PSMA1: variants seen among roughly 807,000 people sequenced by gnomAD.
The protein encoded by PSMA1 is proteasome subunit alpha type-1.
A neutral mutation model predicts 38.4 loss-of-function variants in PSMA1; 3 were observed. The ratio of observed to expected loss-of-function variants is 0.08; its 90% confidence interval spans 0.04 to 0.20. PSMA1 has a LOEUF of 0.20. PSMA1 is among the 10% of genes least tolerant of loss of function. The probability of loss-of-function intolerance (pLI) is 1.00; values close to 1 mark genes in which losing one functional copy is unlikely to be tolerated. For synonymous variants in PSMA1, 101 were observed against 107.1 expected (o/e 0.94, Z 0.35); for missense variants, 227 against 325.3 (o/e 0.70, Z 2.32).
intron 2 of PSMA1, among the ~76,000 whole-genome samples, chr11:14,575,604 G>A (rs1428323342): frequency 1.3e-5 from 2 of 152,054 alleles, no homozygotes; most frequent in African/African-American, 2.4e-5. Context: ...CTTTTTTATG[G>A]CTGCATAGTA....
At chr11:14,590,693 C>T (rs925839980) in intron 2 of PSMA1, among the ~76,000 whole-genome samples, 13 of 152,174 alleles carry the variant, frequency 8.5e-5, no homozygotes, top group Non-Finnish European at 1.3e-4. Flanking sequence ...CAAGAGAGAT[C>T]GTAGCGGGGT....
intron 8 of PSMA1, 39 bp from the exon 9 acceptor site, chr11:14,507,805 T>C (rs1379854599): frequency 7.6e-7 from 1 of 1,323,262 alleles, no homozygotes; most frequent in East Asian, 2.3e-5. Context: ...ATAAGAGAAT[T>C]TGGATGAAAA....
intron 2 of PSMA1, among the ~76,000 whole-genome samples, chr11:14,543,000 T>C (rs1025258936): frequency 6.6e-6 from 1 of 151,976 alleles, no homozygotes; most frequent in African/African-American, 2.4e-5. Context: ...GGATTATAGG[T>C]GCCCGCCACC....
rs183490585 is a variant in PSMA1 at position 14,552,305 on chromosome 11, C to T, written c.22-33264G>A. On this transcript the variant is annotated intron_variant, in intron 2 of 10. Coordinates refer to the PSMA1 transcript ENST00000418988. ...CCCTTCAGACTACAACAGTGGGTGTCTGGACAGTAACCAGACCAACAGTGC... is the reference window on the plus strand; with the variant it reads ...CCCTTCAGACTACAACAGTGGGTGTTTGGACAGTAACCAGACCAACAGTGC... Among the ~76,000 whole-genome samples the T allele has an allele frequency of 2.5e-3, 385 of 152,304 alleles. 1 individual carries two copies. The highest frequency in any genetic ancestry group is 8.8e-3 in the African/African-American group (366 of 41,574).
chr11:14,517,583 T>C, intron 4 of PSMA1, 59 bp downstream of exon 4: 1 of 1,343,634 alleles, frequency 7.4e-7, no homozygotes, highest in Non-Finnish European at 1.0e-6. Flanking sequence ...TGGATCTTTT[T>C]GAGAAAACTA....
intron 2 of PSMA1, among the ~76,000 whole-genome samples, chr11:14,535,618 ATT>A (rs940275046): frequency 1.3e-5 from 2 of 151,686 alleles, no homozygotes; most frequent in Middle Eastern, 3.4e-3. Flanking sequence ...TAATTTTTGT[ATT>A]TTTAGTAGAG....
At chr11:14,568,456 T>C (rs1852099537) in intron 2 of PSMA1, among the ~76,000 whole-genome samples, 1 of 152,210 alleles carries the variant, frequency 6.6e-6, no homozygotes, top group African/African-American at 2.4e-5. Flanking sequence ...TTTGCCCTCA[T>C]TCATCCCTTA....
At chr11:14,624,777 G>T (rs139244186) in intron 1 of PSMA1, among the ~76,000 whole-genome samples, 93 of 152,218 alleles carry the variant, frequency 6.1e-4, no homozygotes, top group African/African-American at 2.2e-3. Flanking sequence ...AAGCCTGCTG[G>T]TACTCCTTTG....
At chr11:14,547,786 G>A (rs920328999) in intron 2 of PSMA1, among the ~76,000 whole-genome samples, 1 of 152,154 alleles carries the variant, frequency 6.6e-6, no homozygotes, top group African/African-American at 2.4e-5. Context: ...GATGGAGGGA[G>A]GCAAAACAGG....
chr11:14,530,530 G>A (rs532187370), intron 2 of PSMA1, among the ~76,000 whole-genome samples: 4 of 152,120 alleles, frequency 2.6e-5, no homozygotes, highest in Non-Finnish European at 5.9e-5. Context: ...ATCAGGAGCC[G>A]CTGGAGGATA....
chr11:14,613,638 G>C (rs575412712), intron 1 of PSMA1, among the ~76,000 whole-genome samples: 1 of 152,148 alleles, frequency 6.6e-6, no homozygotes, highest in Non-Finnish European at 1.5e-5. Context: ...CTATATTTCT[G>C]AGATTTCAAA....
chr11:14,614,217 T>C (rs1852742828), intron 1 of PSMA1, among the ~76,000 whole-genome samples: 1 of 152,246 alleles, frequency 6.6e-6, no homozygotes, highest in Admixed American at 6.5e-5. Context: ...TAAACTACCA[T>C]GCAATTCTGA....
At chr11:14,587,993 G>C (rs1215394585) in intron 2 of PSMA1, among the ~76,000 whole-genome samples, 1 of 152,160 alleles carries the variant, frequency 6.6e-6, no homozygotes, top group Non-Finnish European at 1.5e-5. Flanking sequence ...AATTGTGTTA[G>C]GTAGTACTTC....
chr11:14,516,492 A>C (rs1321594823), intron 4 of PSMA1, among the ~76,000 whole-genome samples: 1 of 152,248 alleles, frequency 6.6e-6, no homozygotes, highest in Admixed American at 6.5e-5. Flanking sequence ...GCCCACCCTT[A>C]TAATTTATAT....
At chr11:14,637,254 T>C (rs1449842376) in intron 1 of PSMA1, among the ~76,000 whole-genome samples, 1 of 152,216 alleles carries the variant, frequency 6.6e-6, no homozygotes, top group East Asian at 1.9e-4. Context: ...TTTGCAATAC[T>C]GTTCTTTGTA....
At chr11:14,552,385 T>C (rs1176778636) in intron 2 of PSMA1, among the ~76,000 whole-genome samples, 1 of 152,216 alleles carries the variant, frequency 6.6e-6, no homozygotes, top group Admixed American at 6.5e-5. Context: ...GATGGGGATG[T>C]GGAGTTCAAA....
At chr11:14,641,259 G>A (rs1262329268) in intron 1 of PSMA1, among the ~76,000 whole-genome samples, 1 of 151,756 alleles carries the variant, frequency 6.6e-6, no homozygotes, top group Non-Finnish European at 1.5e-5. Flanking sequence ...AAAAGTCAAA[G>A]GTATACTGTG....
intron 2 of PSMA1, among the ~76,000 whole-genome samples, chr11:14,606,412 G>A (rs1162230198): frequency 6.7e-6 from 1 of 150,256 alleles, no homozygotes; most frequent in Non-Finnish European, 1.5e-5. Context: ...GTGAGACCCT[G>A]TCTGAATGAA....
At chr11:14,535,178 A>T (rs1851690532) in intron 2 of PSMA1, among the ~76,000 whole-genome samples, 1 of 151,596 alleles carries the variant, frequency 6.6e-6, no homozygotes, top group Non-Finnish European at 1.5e-5. Context: ...TTTTCTGGCA[A>T]CAGCTAACAC....
Sources: gnomAD v4.1 joint callset for allele counts (sites outside exome capture counted in the v4.1 genomes callset) on GRCh38, gnomAD v4.1.1 for gene constraint, MANE v1.5 for transcripts, NCBI Gene and HGNC (gene_info 2026-07-23, HGNC 2026-07-21) for gene names.